Variants in ARHGAP20 observed in about 807,000 individuals in gnomAD.
ARHGAP20 encodes the protein rho GTPase-activating protein 20.
A neutral mutation model predicts 73.7 loss-of-function variants in ARHGAP20; 34 were observed. The ratio of observed to expected loss-of-function variants is 0.46; its 90% confidence interval spans 0.35 to 0.61. The LOEUF is 0.61. ARHGAP20 is among the 20% of genes least tolerant of loss of function. The pLI is 0.00. For missense variants in ARHGAP20, 1,314 were observed against 1,420.9 expected (o/e 0.92, Z 1.21); for synonymous variants, 523 against 518.2 (o/e 1.01, Z -0.13).
chr11:110,629,253 C>T (rs1408147951), intron 3 of ARHGAP20, among the ~76,000 whole-genome samples: 1 of 152,124 alleles, frequency 6.6e-6, no homozygotes, highest in African/African-American at 2.4e-5. Flanking sequence ...GGCCTAGATT[C>T]AAACCCCAGC....
At chr11:110,644,596 A>G (rs1949147508) in intron 2 of ARHGAP20, among the ~76,000 whole-genome samples, 1 of 152,178 alleles carries the variant, frequency 6.6e-6, no homozygotes, top group Non-Finnish European at 1.5e-5. Context: ...CTGGCTATCC[A>G]TATGTAGAAT....
At chr11:110,586,097 C>T (rs547484320) in intron 12 of ARHGAP20, 119 bp downstream of exon 12, 27 of 472,260 alleles carry the variant, frequency 5.7e-5, no homozygotes, top group African/African-American at 5.1e-4. Context: ...AACTAGCATA[C>T]ATCTATTTTT....
At chr11:110,599,524 A>C (rs1387100845) in intron 9 of ARHGAP20, among the ~76,000 whole-genome samples, 1 of 152,192 alleles carries the variant, frequency 6.6e-6, no homozygotes, top group Non-Finnish European at 1.5e-5. Context: ...GGAGGCAGAA[A>C]GGTTCCTGGG....
intron 2 of ARHGAP20, among the ~76,000 whole-genome samples, chr11:110,643,240 CT>C: frequency 6.6e-6 from 1 of 151,922 alleles, no homozygotes; most frequent in Non-Finnish European, 1.5e-5. Flanking sequence ...TTTTACTGGT[CT>C]TTTGTATAGA....
chr11:110,601,533 T>G, intron 9 of ARHGAP20, among the ~76,000 whole-genome samples: 1 of 152,218 alleles, frequency 6.6e-6, no homozygotes, highest in Admixed American at 6.5e-5. Flanking sequence ...CATATTTTAA[T>G]CATTCAATCA....
In ARHGAP20 at chr11:110,660,311, G is replaced by A. The variant is rs561041674; in HGVS notation, c.189-29519C>T. On this transcript the variant is annotated intron_variant, in intron 2 of 14. Transcript: ENST00000683387. The stretch of plus-strand genomic sequence containing the variant: ...GAAGCTTTTGTTTTCACAGAGTGGT[G>A]TACCTTCCAGGTACCTAAAGGGTGA... Among the ~76,000 whole-genome samples the A allele has an allele frequency of 3.3e-5, 5 of 152,230 alleles. No homozygotes were observed. The South Asian group carries it at 8.3e-4, about 25-fold the overall frequency.
Position 110,579,607 on chromosome 11 carries a change from A to T in ARHGAP20, c.3339T>A (p.Ser1113=). The change falls in exon 15 of 15, where the codon TCT becomes TCA. Residue 1113 remains serine (S), a synonymous_variant. Transcript: ENST00000683387. ...PVQSAQRCSS[S]PFQDSERHCS... ...AGTGTCTCTCTGAGTCCTGGAAGGGAGAAGAACTACACCTTTGGGCTGACT... is the reference window on the plus strand; with the variant it reads ...AGTGTCTCTCTGAGTCCTGGAAGGGTGAAGAACTACACCTTTGGGCTGACT... The T allele has an allele frequency of 6.2e-7, 1 of 1,614,082 alleles. No homozygotes were observed. The highest frequency in any genetic ancestry group is 8.5e-7 in the Non-Finnish European group (1 of 1,179,962).
At chr11:110,630,604 A>C (rs761668029) in intron 3 of ARHGAP20, 24 bp downstream of exon 3, 7 of 1,599,638 alleles carry the variant, frequency 4.4e-6, no homozygotes, top group African/African-American at 1.3e-5. Flanking sequence ...TATAATGATA[A>C]TCAGGAGTAT....
chr11:110,681,387 A>G (rs1033870667), intron 2 of ARHGAP20, among the ~76,000 whole-genome samples: 2 of 152,180 alleles, frequency 1.3e-5, no homozygotes, highest in Non-Finnish European at 2.9e-5. Flanking sequence ...CCTTTAAGTG[A>G]TATCAATTGT....
At chr11:110,708,721 G>A (rs999712938) in intron 1 of ARHGAP20, among the ~76,000 whole-genome samples, 28 of 152,182 alleles carry the variant, frequency 1.8e-4, no homozygotes, top group African/African-American at 4.8e-4. Context: ...GGTTGCCTGG[G>A]AATGGGGAGG....
At chr11:110,650,305 T>C (rs1213042481) in intron 2 of ARHGAP20, among the ~76,000 whole-genome samples, 1 of 152,130 alleles carries the variant, frequency 6.6e-6, no homozygotes, top group African/African-American at 2.4e-5. Context: ...GTTGCAGAAT[T>C]AATAGCTAAA....
intron 4 of ARHGAP20, among the ~76,000 whole-genome samples, chr11:110,623,959 A>T (rs1392963705): frequency 6.6e-6 from 1 of 152,212 alleles, no homozygotes; most frequent in African/African-American, 2.4e-5. Context: ...TCAAAAGCCC[A>T]TTGGGAGAAA....
intron 4 of ARHGAP20, 53 bp from the exon 5 acceptor site, chr11:110,615,647 C>A: frequency 6.7e-7 from 1 of 1,498,974 alleles, no homozygotes; most frequent in Non-Finnish European, 9.2e-7. Context: ...AATACAAATG[C>A]TAACAGATTT....
Position 110,608,992 on chromosome 11 carries a change from G to A in ARHGAP20, c.767C>T (p.Pro256Leu). The A allele has an allele frequency of 6.2e-7, 1 of 1,613,010 alleles. No homozygotes were observed. Among genetic ancestry groups the A allele is most frequent in the Non-Finnish European group, 8.5e-7 (1 of 1,179,312 alleles). The change falls in exon 8 of 15, where the codon CCA becomes CTA. Residue 256 changes from proline (P) to leucine (L), a missense_variant. Pro to Leu is a moderately conservative substitution (Grantham distance 98). This residue lies in a region of ARHGAP20 where 443 missense variants were observed against 466.4 expected (regional missense o/e 0.95). Coordinates refer to ENST00000683387, the MANE Select transcript of ARHGAP20 (RefSeq NM_001384657.1). Reference sequence around the variant, plus strand: ...CTTTTGCAAAAACTTACCAATGAGTGGGTATGGAGCCTCTTCTTTGCCAGA... The same window carrying A: ...CTTTTGCAAAAACTTACCAATGAGTAGGTATGGAGCCTCTTCTTTGCCAGA... The part of the protein sequence containing the change: ...VNSGKEEAPY[P>L]LIGHEYPYGI...
intron 2 of ARHGAP20, among the ~76,000 whole-genome samples, chr11:110,671,039 T>C (rs1388132538): frequency 6.6e-6 from 1 of 152,112 alleles, no homozygotes; most frequent in African/African-American, 2.4e-5. Flanking sequence ...GTCGATAATG[T>C]AATATTGGTT....
chr11:110,579,150 A>G lies in ARHGAP20; in HGVS notation c.*220T>C. The G allele has an allele frequency of 1.6e-6, 2 of 1,212,996 alleles. No individual in the cohort carries two copies. Among genetic ancestry groups the G allele is most frequent in the Non-Finnish European group, 2.1e-6 (2 of 969,400 alleles). The allele number at this position is 1,212,996 out of a possible 1,614,324, so 75.1% of individuals were successfully genotyped here. On this transcript the variant is annotated 3_prime_UTR_variant, in exon 15 of 15. Coordinates refer to ENST00000683387, the MANE Select transcript of ARHGAP20 (RefSeq NM_001384657.1). ...ATGACAGGACCAATCCCAACCTTTA[A>G]TAAGAAAAAGCCTCCCAAACACTTA...
chr11:110,596,244 C>T (rs573029229), intron 9 of ARHGAP20, among the ~76,000 whole-genome samples: 1 of 149,828 alleles, frequency 6.7e-6, no homozygotes, highest in South Asian at 2.1e-4. Flanking sequence ...GCAAGGACTT[C>T]ATGTCTAAAA....
intron 12 of ARHGAP20, among the ~76,000 whole-genome samples, chr11:110,585,419 GGT>G (rs1947636151): frequency 6.6e-6 from 1 of 151,504 alleles, no homozygotes; most frequent in Non-Finnish European, 1.5e-5. Context: ...CTTGGTTTCT[GGT>G]GTCTTCAGCA....
chr11:110,611,393 A>G lies in ARHGAP20; in HGVS notation c.631-7T>C, dbSNP rs764672165. 9 of 1,389,872 alleles carry G rather than the reference A, an allele frequency of 6.5e-6. No homozygotes were observed. Among genetic ancestry groups the G allele is most frequent in the East Asian group, 5.0e-5 (2 of 40,004 alleles). The allele number at this position is 1,389,872 out of a possible 1,614,324, so 86.1% of individuals were successfully genotyped here. A position where few individuals can be genotyped will look rare whatever the true frequency, so the allele number is the denominator to read the frequency against. ...TTACTGTTATAGTTTTAGACTGTAG[A>G]AAAAAAATAAGAAATATAGCTATAA... On this transcript the variant is annotated splice_region_variant and splice_polypyrimidine_tract_variant and intron_variant, in intron 6 of 14. Transcript: ENST00000683387.
Sources: gnomAD v4.1 joint callset for allele counts (sites outside exome capture counted in the v4.1 genomes callset) on GRCh38, gnomAD v4.1.1 for gene constraint, gnomAD v4.1.1 regional missense constraint, MANE v1.5 for transcripts, NCBI Gene and HGNC (gene_info 2026-07-23, HGNC 2026-07-21) for gene names.